The following DMD variants were observed in gnomAD, a reference collection of about 807,000 sequenced individuals.
DMD encodes the protein dystrophin, also known as mutant dystrophin.
DMD carries 63 observed loss-of-function variants against 330.1 expected under a neutral mutation model. The observed-to-expected ratio is 0.19, with a 90% CI of 0.16 to 0.24. The LOEUF (loss-of-function observed/expected upper bound fraction) is 0.24, where lower values mean the gene tolerates loss of function less well. Ranked by LOEUF, DMD falls within the 10% of genes least tolerant of loss-of-function variation. The probability of loss-of-function intolerance (pLI) is 1.00; values close to 1 mark genes in which losing one functional copy is unlikely to be tolerated. For missense variants in DMD, 3,344 were observed against 2,684.1 expected (o/e 1.25, Z -5.43); for synonymous variants, 1,223 against 959.8 (o/e 1.27, Z -5.07).
Position 31,363,377 on chromosome X carries a change from T to TC in DMD, c.9085-14744_9085-14743insG, listed in dbSNP as rs1333513688. Among the ~76,000 whole-genome samples, 103 of 79,704 alleles carry TC rather than the reference T, an allele frequency of 1.3e-3. 1 individual carries two copies. The highest frequency in any genetic ancestry group is 5.2e-3 in the African/African-American group (101 of 19,293). The allele number at this position is 79,704 out of a possible 115,157, so 69.2% of individuals were successfully genotyped here. On this transcript the variant is annotated intron_variant, in intron 60 of 78. Coordinates refer to ENST00000357033, the MANE Select transcript of DMD (RefSeq NM_004006.3). Reference sequence around the variant, plus strand: ...AGTACACATAAGACATGTATCTTTTTTTTTTTTTTTTTTTTTTTTTTTGAG... The same window carrying TC: ...AGTACACATAAGACATGTATCTTTTTCTTTTTTTTTTTTTTTTTTTTTTGAG...
intron 44 of DMD, among the ~76,000 whole-genome samples, chrX:32,214,047 G>T (rs2097103285): frequency 9.0e-6 from 1 of 110,819 alleles, no homozygotes; most frequent in African/African-American, 3.3e-5. Flanking sequence ...ACACTGTCAA[G>T]AAATGAGGAC....
intron 44 of DMD, among the ~76,000 whole-genome samples, chrX:31,973,504 T>C (rs1386562870): frequency 1.8e-5 from 2 of 110,424 alleles, no homozygotes; most frequent in Non-Finnish European, 3.8e-5. Context: ...AACATGTTAG[T>C]ACAACAGGGA....
At chrX:33,160,674 T>C (rs2048726992) in intron 1 of DMD, among the ~76,000 whole-genome samples, 1 of 112,152 alleles carries the variant, frequency 8.9e-6, no homozygotes, top group Admixed American at 9.5e-5. Context: ...AGACATTAAA[T>C]ATGATACCAA....
chrX:33,283,529 GAA>G (rs200188158), intron 1 of DMD, among the ~76,000 whole-genome samples: 8 of 78,619 alleles, frequency 1.0e-4, no homozygotes, highest in Admixed American at 2.7e-4. Flanking sequence ...TGGTCTCAAA[GAA>G]AAAAAAAAAA....
rs56693544 is a variant in DMD, at chrX:33,041,891, T to TAA, written c.32-21693_32-21692dup. 8.6e-3 allele frequency among the ~76,000 whole-genome samples: 897 copies of TAA among 104,402 alleles called. 6 individuals carry two copies. Among genetic ancestry groups the TAA allele is most frequent in the Middle Eastern group, 0.02 (4 of 196 alleles). 90.7% of individuals were successfully genotyped at this position (104,402 alleles called of 115,157 possible). The stretch of plus-strand genomic sequence containing the variant: ...AATATGTCAAATAAATGAGTTCATC[T>TAA]AAAAAAAAAATCCATACGTGATGTG... On this transcript the variant is annotated intron_variant, in intron 1 of 78. Coordinates refer to ENST00000357033, the MANE Select transcript of DMD (RefSeq NM_004006.3).
intron 63 of DMD, among the ~76,000 whole-genome samples, chrX:31,257,283 G>A (rs7883997): frequency 0.019 from 1,996 of 107,752 alleles, 45 homozygotes; most frequent in African/African-American, 0.064. Flanking sequence ...GGGGTACAGA[G>A]GGAAAAAGCA....
At chrX:31,823,948 G>A (rs1014180699) in intron 49 of DMD, among the ~76,000 whole-genome samples, 4 of 111,831 alleles carry the variant, frequency 3.6e-5, no homozygotes, top group African/African-American at 6.5e-5. Flanking sequence ...ACAAATTCAG[G>A]TCCCTATAGG....
chrX:32,489,956 T>A (rs1375810208), intron 20 of DMD, among the ~76,000 whole-genome samples: 1 of 112,211 alleles, frequency 8.9e-6, no homozygotes, highest in Non-Finnish European at 1.9e-5. Context: ...TCCAAAAGTA[T>A]ACTTTCTGAG....
At chrX:32,614,045 TTAAGGGAGGAG>T (rs1323723883) in intron 12 of DMD, among the ~76,000 whole-genome samples, 1 of 110,670 alleles carries the variant, frequency 9.0e-6, no homozygotes, top group African/African-American at 3.3e-5. Flanking sequence ...GATCCTATTC[TTAAGGGAGGAG>T]CCCTGATGGA....
intron 44 of DMD, among the ~76,000 whole-genome samples, chrX:32,051,327 C>T (rs1357496228): frequency 9.1e-6 from 1 of 110,135 alleles, no homozygotes; most frequent in Non-Finnish European, 1.9e-5. Context: ...GTGCATTCCC[C>T]AGAGTGAAAA....
intron 29 of DMD, 93 bp from the exon 30 acceptor site, chrX:32,412,006 C>T (rs756668963): frequency 8.4e-7 from 1 of 1,188,803 alleles, no homozygotes; most frequent in African/African-American, 1.8e-5. Flanking sequence ...ATTCTAGACT[C>T]TTCCACAATC....
At chrX:31,767,762 A>C (rs955565406) in intron 51 of DMD, among the ~76,000 whole-genome samples, 1 of 112,317 alleles carries the variant, frequency 8.9e-6, no homozygotes, top group East Asian at 2.8e-4. Flanking sequence ...CTATTCACCA[A>C]AAGTTATAAT....
At position 32,365,215 on chromosome X, in the gene DMD, C is replaced by T. The variant is rs1603631758; in HGVS notation, c.4846-16G>A. On this transcript the variant is annotated splice_polypyrimidine_tract_variant and intron_variant, in intron 34 of 78. Coordinates refer to ENST00000357033, the MANE Select transcript of DMD (RefSeq NM_004006.3). The stretch of plus-strand genomic sequence containing the variant: ...TTTGAGTAGCCTGTGAAAAGGAGAG[C>T]ATTGACCTTCAAGTAATGTCTTGTA... 8.3e-7 allele frequency: 1 copy of T among 1,205,038 alleles called. No homozygotes were observed. Among genetic ancestry groups the T allele is most frequent in the East Asian group, 3.0e-5 (1 of 33,730 alleles).
intron 60 of DMD, among the ~76,000 whole-genome samples, chrX:31,423,244 T>A (rs1442674424): frequency 8.9e-6 from 1 of 111,914 alleles, no homozygotes; most frequent in Non-Finnish European, 1.9e-5. Flanking sequence ...TTTGCTGTGA[T>A]ACTTAAGCAA....
chrX:31,483,077 C>G (rs781710342), intron 57 of DMD, among the ~76,000 whole-genome samples: 1 of 88,035 alleles, frequency 1.1e-5, no homozygotes, highest in Non-Finnish European at 2.2e-5. Context: ...GATGGAGTCT[C>G]GCTCTGTCGC....
At chrX:32,406,318 C>G (rs963819441) in intron 30 of DMD, among the ~76,000 whole-genome samples, 5 of 111,451 alleles carry the variant, frequency 4.5e-5, no homozygotes, top group Non-Finnish European at 7.5e-5. Context: ...AGAGGGCACC[C>G]CTGTCTTGTG....
chrX:32,632,365 G>C (rs772823569), intron 11 of DMD, among the ~76,000 whole-genome samples: 2 of 111,701 alleles, frequency 1.8e-5, no homozygotes, highest in South Asian at 3.7e-4. Context: ...TTCATTTCCA[G>C]ATACAAGGGT....
At chrX:33,131,583 G>C (rs191651626) in intron 1 of DMD, among the ~76,000 whole-genome samples, 1 of 111,775 alleles carries the variant, frequency 8.9e-6, no homozygotes, top group Admixed American at 9.5e-5. Flanking sequence ...TCTAGACCAT[G>C]CTCCTTCAAA....
chrX:31,873,305 A>G (rs975116949), intron 48 of DMD, among the ~76,000 whole-genome samples: 1 of 111,711 alleles, frequency 9.0e-6, no homozygotes, highest in African/African-American at 3.3e-5. Flanking sequence ...CATAAGTGTC[A>G]GGAGGAAGTA....
Sources: gnomAD v4.1 joint callset for allele counts (sites outside exome capture counted in the v4.1 genomes callset) on GRCh38, gnomAD v4.1.1 for gene constraint, MANE v1.5 for transcripts, NCBI Gene and HGNC (gene_info 2026-07-23, HGNC 2026-07-21) for gene names.